The following LAMA3 variants were observed in gnomAD, a reference collection of about 807,000 sequenced individuals.
LAMA3 encodes the protein laminin subunit alpha 3, also known as laminin subunit alpha-3.
LAMA3 carries 281 observed loss-of-function variants against 402.0 expected under a neutral mutation model. That is an observed-to-expected ratio of 0.70 (90% CI 0.63 to 0.77). LAMA3 has a LOEUF of 0.77. Among genes scored for constraint, LAMA3 ranks in the 30% least tolerant of loss-of-function variants. The probability of loss-of-function intolerance (pLI) is 0.00; values close to 1 mark genes in which losing one functional copy is unlikely to be tolerated. For synonymous variants in LAMA3, 1,431 were observed against 1,558.4 expected (o/e 0.92, Z 1.93); for missense variants, 3,840 against 4,215.5 (o/e 0.91, Z 2.47).
intron 16 of LAMA3, 30 bp downstream of exon 16, chr18:23,815,270 C>T: frequency 2.5e-6 from 4 of 1,603,514 alleles, no homozygotes; most frequent in Non-Finnish European, 3.4e-6. Context: ...CATGTGACAA[C>T]AGCAGAATGC....
intron 14 of LAMA3, among the ~76,000 whole-genome samples, chr18:23,813,515 A>G (rs562748963): frequency 3.8e-4 from 54 of 140,424 alleles, no homozygotes; most frequent in African/African-American, 1.4e-3. Flanking sequence ...ATACCATGGT[A>G]TTCTGAACAT....
chr18:23,945,993 T>A (rs2082695578), intron 69 of LAMA3, 151 bp from the exon 70 acceptor site: 1 of 764,648 alleles, frequency 1.3e-6, no homozygotes, highest in Admixed American at 2.1e-5. Context: ...ATGGTGATAG[T>A]GATAACCGGA....
chr18:23,907,402 G>A, intron 52 of LAMA3, 148 bp from the exon 53 acceptor site: 1 of 729,334 alleles, frequency 1.4e-6, no homozygotes, highest in Non-Finnish European at 2.5e-6. Context: ...GTGGGTCTGG[G>A]CACATGCAGT....
Position 23,846,380 on chromosome 18 carries a change from G to T in LAMA3, c.3803G>T (p.Cys1268Phe). The T allele has an allele frequency of 7.4e-6, 12 of 1,614,162 alleles. No homozygotes were observed. The highest frequency in any genetic ancestry group is 1.0e-5 in the Non-Finnish European group (12 of 1,180,030). Residue 1268 changes from cysteine to phenylalanine, a missense_variant, in exon 31 of 75, where the codon TGC (cysteine) becomes TTC (phenylalanine). Transcript: ENST00000313654. ...FYHKGALPCE[C>F]HPTGATGPHC... ...CACAAGGGCGCCCTGCCTTGTGAGT[G>T]CCACCCCACTGGGGCCACCGGCCCT... is the stretch of plus-strand genomic sequence containing the variant.
chr18:23,848,509 A>G (rs540190584), intron 32 of LAMA3, among the ~76,000 whole-genome samples: 133 of 152,270 alleles, frequency 8.7e-4, no homozygotes, highest in African/African-American at 2.9e-3. Context: ...ATGCTGGGGA[A>G]ACTGAGTCAG....
In LAMA3 at chr18:23,751,062, C is replaced by A; in HGVS notation, c.829C>A (p.Gln277Lys). The A allele has an allele frequency of 6.2e-7, 1 of 1,614,094 alleles. No homozygotes were observed. Among genetic ancestry groups the A allele is most frequent in the Non-Finnish European group, 8.5e-7 (1 of 1,180,004 alleles). Reference sequence around the variant, plus strand: ...TCTTGGACACCTCATCTCCAAAGCCCAGCGAGATCCAACTGTCACTCGGCG... The same window carrying A: ...TCTTGGACACCTCATCTCCAAAGCCAAGCGAGATCCAACTGTCACTCGGCG... ...TLLGHLISKAQRDPTVTRRYY... is the reference protein window; with the variant it reads ...TLLGHLISKAKRDPTVTRRYY... Residue 277 changes from glutamine to lysine, a missense_variant, in exon 5 of 75, where the codon CAG becomes AAG. This residue lies in a region of LAMA3 where 2,109 missense variants were observed against 2,376.0 expected (regional missense o/e 0.89). Coordinates refer to ENST00000313654, the MANE Select transcript of LAMA3 (RefSeq NM_198129.4).
chr18:23,706,939 G>A (rs189591767), intron 1 of LAMA3, among the ~76,000 whole-genome samples: 49 of 152,258 alleles, frequency 3.2e-4, no homozygotes, highest in East Asian at 7.7e-4. Flanking sequence ...TTAGCTGGAC[G>A]TGGTGGCACA....
rs1268460296 is a variant in LAMA3, at chr18:23,763,121, G to A, written c.1064-284G>A. On this transcript the variant is annotated intron_variant, in intron 7 of 74. Coordinates refer to ENST00000313654, the MANE Select transcript of LAMA3 (RefSeq NM_198129.4). ...GATCCATCCGCCTAGGCCTCCCAAA[G>A]TGCTGGAATTACAGGTGTGAGCCAC... 3.3e-5 allele frequency among the ~76,000 whole-genome samples: 5 copies of A among 152,114 alleles called. No homozygotes were observed. In the East Asian group the frequency reaches 5.8e-4, roughly 18 times the overall value.
rs2081288776 is a variant in LAMA3 at position 23,907,534 on chromosome 18, C to T, written c.6719-16C>T. On this transcript the variant is annotated splice_polypyrimidine_tract_variant and intron_variant, in intron 52 of 74. Transcript: ENST00000313654. The stretch of plus-strand genomic sequence containing the variant: ...TGCACAAAGTAATTGCCTCCTGATG[C>T]TTTATTTTATTTTAGAAGTCAGTCC... The T allele has an allele frequency of 1.4e-5, 22 of 1,565,282 alleles. No homozygotes were observed. The East Asian group carries it at 4.7e-4, about 33-fold the overall frequency.
intron 1 of LAMA3, among the ~76,000 whole-genome samples, chr18:23,693,945 C>T (rs1206048428): frequency 6.6e-6 from 1 of 152,156 alleles, no homozygotes; most frequent in Non-Finnish European, 1.5e-5. Flanking sequence ...CCTGGCCAAG[C>T]GGGTGAGTAG....
Position 23,879,224 on chromosome 18 carries a change from A to G in LAMA3, c.5113-2712A>G, listed in dbSNP as rs2144891456. On this transcript the variant is annotated intron_variant, in intron 39 of 74. Transcript: ENST00000313654. The surrounding 1 kb of genome is among the most constrained non-coding windows in gnomAD (Gnocchi z 4.2). ...CGGAAGGAAGCCCACGACCCTTAGC[A>G]CAGTACTGGGGGCTCTTTCTAGCTG... Among the ~76,000 whole-genome samples, 1 of 152,276 alleles carries G rather than the reference A, an allele frequency of 6.6e-6. No homozygotes were observed. The highest frequency in any genetic ancestry group is 1.5e-5 in the Non-Finnish European group (1 of 68,028).
At chr18:23,743,876 C>T (rs2061604564) in intron 2 of LAMA3, among the ~76,000 whole-genome samples, 1 of 152,162 alleles carries the variant, frequency 6.6e-6, no homozygotes, top group African/African-American at 2.4e-5. Context: ...GCCTTTCTAC[C>T]TACAGTGGCT....
At chr18:23,842,807 TG>T (rs2063734271) in intron 29 of LAMA3, 57 bp downstream of exon 29, 1 of 1,603,280 alleles carries the variant, frequency 6.2e-7, no homozygotes, top group Non-Finnish European at 8.5e-7. Flanking sequence ...CTGGCCATTC[TG>T]GGTGTCTGTT....
At chr18:23,848,058 G>A (rs1245185883) in intron 32 of LAMA3, among the ~76,000 whole-genome samples, 15 of 152,228 alleles carry the variant, frequency 9.9e-5, no homozygotes, top group Non-Finnish European at 1.5e-5. Context: ...TTGTATTTAG[G>A]TATGAGCTTC....
At chr18:23,916,504 T>C in intron 59 of LAMA3, 47 bp from the exon 60 acceptor site, 1 of 1,603,286 alleles carries the variant, frequency 6.2e-7, no homozygotes, top group Non-Finnish European at 8.5e-7. Flanking sequence ...ACTGGCATGG[T>C]GATCATTTGC....
chr18:23,837,203 T>C (rs2063600939), intron 25 of LAMA3, 114 bp downstream of exon 25: 2 of 734,564 alleles, frequency 2.7e-6, no homozygotes, highest in East Asian at 5.4e-5. Flanking sequence ...CTGTGAAGAA[T>C]TGCCAGTTTA....
At chr18:23,864,643 C>T in intron 35 of LAMA3, 142 bp from the exon 36 acceptor site, 1 of 686,066 alleles carries the variant, frequency 1.5e-6, no homozygotes, top group South Asian at 1.5e-5. Flanking sequence ...ATCCTCAACC[C>T]CACCTCCTAG....
intron 69 of LAMA3, 150 bp from the exon 70 acceptor site, chr18:23,945,993 TG>T: frequency 1.3e-6 from 1 of 764,766 alleles, no homozygotes; most frequent in Non-Finnish European, 2.3e-6. Context: ...ATGGTGATAG[TG>T]ATAACCGGAG....
At chr18:23,825,949 C>A (rs1459545768) in intron 21 of LAMA3, among the ~76,000 whole-genome samples, 64 of 152,156 alleles carry the variant, frequency 4.2e-4, no homozygotes, top group Admixed American at 4.2e-3. Context: ...AAAATTTAAA[C>A]CTACTGAGTC....
Sources: allele counts gnomAD v4.1 joint callset (sites outside exome capture counted in the v4.1 genomes callset), GRCh38; gene constraint gnomAD v4.1.1; regional missense constraint gnomAD v4.1.1; non-coding constraint Gnocchi (gnomAD v3.1); transcripts MANE v1.5; gene names NCBI Gene and HGNC (gene_info 2026-07-23, HGNC 2026-07-21).